The following SFTPD variants were observed in gnomAD, a reference collection of about 807,000 sequenced individuals.
SFTPD encodes surfactant protein D, also known as pulmonary surfactant-associated protein D.
In SFTPD, 18 loss-of-function variants were observed where a neutral mutation model predicts 34.6. The observed-to-expected ratio is 0.52, with a 90% CI of 0.36 to 0.77. The LOEUF (loss-of-function observed/expected upper bound fraction) is 0.77. SFTPD is among the 30% of genes least tolerant of loss of function. SFTPD has a pLI of 0.00. For missense variants in SFTPD, 433 were observed against 468.9 expected, an observed-to-expected ratio of 0.92 and a Z score of 0.71; for synonymous variants, 155 against 180.9, an observed-to-expected ratio of 0.86 and a Z score of 1.15.
At chr10:79,946,236 G>A (rs1170256157) in intron 2 of SFTPD, among the ~76,000 whole-genome samples, 3 of 152,174 alleles carry the variant, frequency 2.0e-5, no homozygotes, top group Non-Finnish European at 4.4e-5. Context: ...GGAAGGATCC[G>A]GGGATCCTAG....
intron 1 of SFTPD, among the ~76,000 whole-genome samples, chr10:79,974,505 A>G (rs1281074702): frequency 1.3e-5 from 2 of 152,154 alleles, no homozygotes; most frequent in Non-Finnish European, 2.9e-5. Context: ...ATTTCTAGTC[A>G]TGCCTATATT....
chr10:79,952,820 C>G (rs1046754296), upstream of SFTPD, among the ~76,000 whole-genome samples: 3 of 152,198 alleles, frequency 2.0e-5, no homozygotes, highest in Non-Finnish European at 4.4e-5. Flanking sequence ...CCTGCATGAG[C>G]TGGCCACCCA....
chr10:79,957,451 T>C (rs1300617578), intron 1 of SFTPD, among the ~76,000 whole-genome samples: 1 of 152,128 alleles, frequency 6.6e-6, no homozygotes, highest in Non-Finnish European at 1.5e-5. Context: ...AGAGAAGTCC[T>C]TAAAGGAGCT....
chr10:79,957,028 C>A (rs1013989394), intron 1 of SFTPD, among the ~76,000 whole-genome samples: 2 of 122,506 alleles, frequency 1.6e-5, no homozygotes, highest in African/African-American at 6.2e-5. Context: ...GCTGCTGATA[C>A]CCAGGCAAAC....
intron 7 of SFTPD, among the ~76,000 whole-genome samples, chr10:79,939,002 T>G (rs1842585704): frequency 2.0e-5 from 3 of 152,138 alleles, no homozygotes; most frequent in Admixed American, 1.3e-4. Flanking sequence ...GGCATTCAGA[T>G]CCACATTGCG....
chr10:79,956,975 G>A (rs1041977428), intron 1 of SFTPD, among the ~76,000 whole-genome samples: 4 of 151,432 alleles, frequency 2.6e-5, no homozygotes, highest in African/African-American at 4.9e-5. Context: ...CGATCACGCA[G>A]CAGCATTTGC....
chr10:79,976,736 G>T (rs982483079), intron 1 of SFTPD, among the ~76,000 whole-genome samples: 1 of 152,178 alleles, frequency 6.6e-6, no homozygotes, highest in Non-Finnish European at 1.5e-5. Flanking sequence ...GGGTCATTGG[G>T]TGCTGCCTGG....
At chr10:79,965,139 T>C (rs1056907103) in intron 1 of SFTPD, among the ~76,000 whole-genome samples, 1 of 152,178 alleles carries the variant, frequency 6.6e-6, no homozygotes, top group South Asian at 2.1e-4. Flanking sequence ...AAAGGAGGAC[T>C]CTGTCAAGTA....
intron 1 of SFTPD, chr10:79,982,231 C>A: frequency 1.4e-6 from 1 of 720,140 alleles, no homozygotes; most frequent in Non-Finnish European, 1.9e-6. Flanking sequence ...CCAGTAGCAA[C>A]GGAGGAGCCA....
chr10:79,955,865 T>C (rs1352983938), intron 1 of SFTPD, among the ~76,000 whole-genome samples: 1 of 152,252 alleles, frequency 6.6e-6, no homozygotes, highest in Non-Finnish European at 1.5e-5. Context: ...ACATCTCTAC[T>C]GCATCCTGAC....
chr10:79,975,509 A>G (rs1461021758), intron 1 of SFTPD, among the ~76,000 whole-genome samples: 1 of 152,080 alleles, frequency 6.6e-6, no homozygotes. Flanking sequence ...GCTTAGTTCC[A>G]CATTCTCCAA....
At chr10:79,949,676 G>A (rs1842697462), upstream of SFTPD, among the ~76,000 whole-genome samples, 1 of 152,200 alleles carries the variant, frequency 6.6e-6, no homozygotes, top group South Asian at 2.1e-4. Flanking sequence ...CTAGGCCTCA[G>A]AGAGCCCCTG....
intron 1 of SFTPD, among the ~76,000 whole-genome samples, chr10:79,965,539 C>CTTTTTTTTTTTTTTTTT (rs149878455): frequency 8.8e-6 from 1 of 113,480 alleles, no homozygotes; most frequent in Non-Finnish European, 1.7e-5. Flanking sequence ...TTTTATTTTT[C>CTTTTTTTTTTTTTTTTT]TTTTTTTTTT....
At chr10:79,955,166 A>C (rs1842731857) in intron 1 of SFTPD, among the ~76,000 whole-genome samples, 1 of 152,128 alleles carries the variant, frequency 6.6e-6, no homozygotes, top group South Asian at 2.1e-4. Flanking sequence ...TAGCCCCCAC[A>C]GCCTGGTGTT....
chr10:79,943,382 G>A (rs1406287829), intron 2 of SFTPD, among the ~76,000 whole-genome samples: 1 of 152,214 alleles, frequency 6.6e-6, no homozygotes, highest in Admixed American at 6.5e-5. Flanking sequence ...CTCAGGTCCT[G>A]CTCAGCAGGG....
chr10:79,957,988 C>T (rs981670486), intron 1 of SFTPD, among the ~76,000 whole-genome samples: 12 of 152,122 alleles, frequency 7.9e-5, no homozygotes, highest in Non-Finnish European at 1.6e-4. Flanking sequence ...AGAGTGGGGG[C>T]CAATATTCAG....
At chr10:79,940,578 G>A (rs1714423445) in intron 7 of SFTPD, 127 bp downstream of exon 7, 5 of 646,322 alleles carry the variant, frequency 7.7e-6, no homozygotes, top group Non-Finnish European at 1.1e-5. Context: ...TCCCATCCTA[G>A]ACCCAGGGCA....
upstream of SFTPD, among the ~76,000 whole-genome samples, chr10:79,953,816 T>A (rs1842724397): frequency 6.6e-6 from 1 of 152,108 alleles, no homozygotes; most frequent in South Asian, 2.1e-4. Flanking sequence ...TCGTGTCCCA[T>A]AAGTCCCATA....
chr10:79,980,769 T>A (rs957032186), intron 1 of SFTPD, among the ~76,000 whole-genome samples: 1 of 152,182 alleles, frequency 6.6e-6, no homozygotes, highest in Non-Finnish European at 1.5e-5. Flanking sequence ...GAGTTTGGGG[T>A]TCCCCCTATT....
Sources: allele counts gnomAD v4.1 joint callset (sites outside exome capture counted in the v4.1 genomes callset), GRCh38; gene constraint gnomAD v4.1.1; transcripts MANE v1.5; gene names NCBI Gene and HGNC (gene_info 2026-07-23, HGNC 2026-07-21).